Variants in SUGP1 observed in about 807,000 individuals in gnomAD.
The protein encoded by SUGP1 is SURP and G-patch domain containing 1.
In SUGP1, 34 loss-of-function variants were observed where a neutral mutation model predicts 76.5. The ratio of observed to expected loss-of-function variants is 0.44; its 90% CI spans 0.34 to 0.59. The LOEUF (loss-of-function observed/expected upper bound fraction) is 0.59. Ranked by LOEUF, SUGP1 falls within the 20% of genes least tolerant of loss-of-function variation. The pLI is 0.01. For synonymous variants in SUGP1, 326 were observed against 326.2 expected (o/e 1.00, Z 0.01); for missense variants, 752 against 851.7 (o/e 0.88, Z 1.46).
chr19:19,306,443 G>A (rs1462009156), intron 3 of SUGP1, among the ~76,000 whole-genome samples: 8 of 152,200 alleles, frequency 5.3e-5, no homozygotes, highest in African/African-American at 1.9e-4. Flanking sequence ...GAGGTCTGTG[G>A]CCAGGCTGAC....
intron 8 of SUGP1, among the ~76,000 whole-genome samples, chr19:19,282,938 G>C (rs549733128): frequency 1.3e-5 from 2 of 152,088 alleles, no homozygotes; most frequent in Non-Finnish European, 2.9e-5. Flanking sequence ...TTAGCCAGGC[G>C]TGGTGGCAGG....
chr19:19,291,403 G>A (rs548417719), intron 8 of SUGP1, among the ~76,000 whole-genome samples: 1 of 152,192 alleles, frequency 6.6e-6, no homozygotes, highest in Non-Finnish European at 1.5e-5. Context: ...AGAAATGAAG[G>A]AGGGGCTGTA....
In SUGP1 at chr19:19,279,284, T is replaced by C. The variant is rs1348182098; in HGVS notation, c.1457A>G (p.Asp486Gly). The C allele has an allele frequency of 6.3e-7, 1 of 1,585,932 alleles. No homozygotes were observed. Among genetic ancestry groups the C allele is most frequent in the East Asian group, 2.3e-5 (1 of 42,700 alleles). Residue 486 changes from aspartate (D) to glycine (G), a missense_variant, in exon 10 of 14, where the codon GAT becomes GGT. By Grantham distance (94) the Asp-to-Gly change is moderately conservative. Coordinates refer to ENST00000247001, the MANE Select transcript of SUGP1 (RefSeq NM_172231.4). The stretch of plus-strand genomic sequence containing the variant: ...GCCCAGCTCGCTGTCCACCTCCTCA[T>C]CACTGTCATAGCCGTGCTGGTGCTG... ...VQQHQHGYDS[D>G]EEVDSELGTW...
Position 19,306,068 on chromosome 19 carries a change from T to C in SUGP1, c.319A>G (p.Thr107Ala), listed in dbSNP as rs1230331051. ...QKAQTSTDAP[T>A]SAPSAPPSTP... ...CTGGGAGGGGCGCTGGGCGCACTGG[T>C]CGGGGCGTCTGGTATAGAAGGAAGG... is the stretch of plus-strand genomic sequence containing the variant. The change falls in exon 4 of 14, where the codon ACC (threonine) becomes GCC (alanine). Residue 107 changes from threonine to alanine, a missense_variant. By Grantham distance (58) the Thr-to-Ala change is moderately conservative. Coordinates refer to ENST00000247001, the MANE Select transcript of SUGP1 (RefSeq NM_172231.4). 1.3e-6 allele frequency: 2 copies of C among 1,596,746 alleles called. No homozygotes were observed. The highest frequency in any genetic ancestry group is 2.2e-5 in the East Asian group (1 of 44,568).
At position 19,294,419 on chromosome 19, in the gene SUGP1, G is replaced by C. The variant is rs867218855; in HGVS notation, c.1243+2570C>G. Among the ~76,000 whole-genome samples, 24 of 151,528 alleles carry C rather than the reference G, an allele frequency of 1.6e-4. 1 individual carries two copies. Among genetic ancestry groups the C allele is most frequent in the Admixed American group, 1.3e-3 (20 of 15,194 alleles). ...TGCACTTGTAGTCCCACCTACTTGG[G>C]AGGCTGAGGTGGGAAGACCACTTGA... is the stretch of plus-strand genomic sequence containing the variant. On this transcript the variant is annotated intron_variant, in intron 8 of 13. Coordinates refer to ENST00000247001, the MANE Select transcript of SUGP1 (RefSeq NM_172231.4).
chr19:19,317,672 C>T (rs934854223), intron 1 of SUGP1, among the ~76,000 whole-genome samples: 4 of 152,126 alleles, frequency 2.6e-5, no homozygotes, highest in Admixed American at 6.6e-5. Context: ...CATGCACCAC[C>T]TCACTTGGCT....
chr19:19,319,371 G>A (rs899740461), intron 1 of SUGP1, among the ~76,000 whole-genome samples: 12 of 152,022 alleles, frequency 7.9e-5, no homozygotes, highest in African/African-American at 2.9e-4. Flanking sequence ...TGTGTGGAAG[G>A]CTCCACCCTC....
At chr19:19,296,965 G>T (rs1424757291) in intron 8 of SUGP1, 24 bp downstream of exon 8, 2 of 1,531,634 alleles carry the variant, frequency 1.3e-6, no homozygotes, top group South Asian at 1.2e-5. Context: ...TTCCAACACA[G>T]GGAGGGGGAG....
intron 8 of SUGP1, among the ~76,000 whole-genome samples, chr19:19,291,889 TCACACACACACACACACACACA>T (rs541521385): frequency 1.5e-3 from 192 of 128,710 alleles, no homozygotes; most frequent in African/African-American, 5.3e-3. Context: ...TGAGACTCTG[TCACACACACACACACACACACA>T]CACACACACA....
chr19:19,295,400 C>T (rs748879971), intron 8 of SUGP1, among the ~76,000 whole-genome samples: 3 of 151,540 alleles, frequency 2.0e-5, no homozygotes, highest in Non-Finnish European at 2.9e-5. Flanking sequence ...GTCAGGAGAT[C>T]GAGATCATCC....
At chr19:19,288,043 T>C (rs2061154705) in intron 8 of SUGP1, among the ~76,000 whole-genome samples, 1 of 152,184 alleles carries the variant, frequency 6.6e-6, no homozygotes, top group Non-Finnish European at 1.5e-5. Context: ...ATATATTTTC[T>C]CTTCCTCCCT....
intron 4 of SUGP1, chr19:19,304,188 C>T: frequency 2.0e-6 from 1 of 506,392 alleles, no homozygotes; most frequent in South Asian, 2.1e-5. Flanking sequence ...ACATCGGTTC[C>T]CTTTCATCCT....
At chr19:19,278,045 T>C (rs978504553) in intron 11 of SUGP1, among the ~76,000 whole-genome samples, 166 bp from the exon 12 acceptor site, 2 of 152,164 alleles carry the variant, frequency 1.3e-5, no homozygotes, top group African/African-American at 2.4e-5. Context: ...CTCCTCCTGC[T>C]TCTCAGGGTC....
intron 2 of SUGP1, among the ~76,000 whole-genome samples, chr19:19,312,725 C>T (rs1051955903): frequency 5.3e-5 from 8 of 152,116 alleles, no homozygotes; most frequent in Admixed American, 4.6e-4. Context: ...CGGTGGCTCA[C>T]GCCTGTAATC....
chr19:19,303,492 C>G (rs200227561), intron 5 of SUGP1, 44 bp from the exon 6 acceptor site: 1 of 1,546,440 alleles, frequency 6.5e-7, no homozygotes, highest in Non-Finnish European at 8.9e-7. Context: ...AAATAAGTAT[C>G]TGTGACAGGC....
chr19:19,277,155 C>A, intron 12 of SUGP1, 79 bp from the exon 13 acceptor site: 1 of 1,517,298 alleles, frequency 6.6e-7, no homozygotes, highest in Admixed American at 2.0e-5. Context: ...GGGCTCTCAA[C>A]AGCACCTCCC....
At position 19,306,044 on chromosome 19, in the gene SUGP1, T is replaced by G. The variant is rs1194356616; in HGVS notation, c.343A>C (p.Ser115Arg). Residue 115 changes from serine to arginine, a missense_variant, in exon 4 of 14, where the codon AGC becomes CGC. Physicochemically the swap from Ser to Arg is moderately radical, Grantham distance 110. This residue lies in a region of SUGP1 where 620 missense variants were observed against 617.3 expected (regional missense o/e 1.00). Transcript: ENST00000247001. ...APTSAPSAPP[S>R]TPTPSAGKRS... Reference sequence around the variant, plus strand: ...TTCCCAGCGCTGGGGGTGGGTGTGCTGGGAGGGGCGCTGGGCGCACTGGTC... The same window carrying G: ...TTCCCAGCGCTGGGGGTGGGTGTGCGGGGAGGGGCGCTGGGCGCACTGGTC... 2 of 1,608,928 alleles carry G rather than the reference T, an allele frequency of 1.2e-6. No individual in the cohort carries two copies. Among genetic ancestry groups the G allele is most frequent in the Non-Finnish European group, 1.7e-6 (2 of 1,177,860 alleles).
chr19:19,278,939 C>T (rs538222290), intron 10 of SUGP1, 143 bp from the exon 11 acceptor site: 148 of 857,710 alleles, frequency 1.7e-4, no homozygotes, highest in Non-Finnish European at 9.5e-5. Context: ...GACCCCAGCC[C>T]GAGCCTCTGC....
intron 7 of SUGP1, 56 bp from the exon 8 acceptor site, chr19:19,297,400 A>ATACTGGGCAGGAGCAGTTCTGGCC: frequency 7.4e-7 from 1 of 1,349,532 alleles, no homozygotes; most frequent in Non-Finnish European, 1.0e-6. Flanking sequence ...CCTGTCCCTG[A>ATACTGGGCAGGAGCAGTTCTGGCC]TTCTGGGCAG....
Sources: gnomAD v4.1 joint callset for allele counts (sites outside exome capture counted in the v4.1 genomes callset) on GRCh38, gnomAD v4.1.1 for gene constraint, gnomAD v4.1.1 regional missense constraint, MANE v1.5 for transcripts, NCBI Gene and HGNC (gene_info 2026-07-23, HGNC 2026-07-21) for gene names.